The following FHIT variants were observed in gnomAD, a reference collection of about 807,000 sequenced individuals.
FHIT encodes bis(5'-adenosyl)-triphosphatase.
In FHIT, 19 loss-of-function variants were observed where a neutral mutation model predicts 17.9. That is an observed-to-expected ratio of 1.06 (90% confidence interval 0.74 to 1.56). FHIT has a LOEUF of 1.56. Ranked by LOEUF, FHIT falls within the 40% of genes most tolerant of loss-of-function variation. The probability of loss-of-function intolerance (pLI) is 0.00; values close to 1 mark genes in which losing one functional copy is unlikely to be tolerated. For missense variants in FHIT, 248 were observed against 189.2 expected (o/e 1.31, Z -1.82); for synonymous variants, 81 against 69.7 (o/e 1.16, Z -0.81).
At chr3:60,451,064 G>C (rs1317356239) in intron 5 of FHIT, among the ~76,000 whole-genome samples, 3 of 152,012 alleles carry the variant, frequency 2.0e-5, no homozygotes, top group Non-Finnish European at 2.9e-5. Context: ...GAAGGCAATC[G>C]CAACATTAAC....
At chr3:59,878,890 A>AT (rs538229146) in intron 8 of FHIT, among the ~76,000 whole-genome samples, 16 of 151,824 alleles carry the variant, frequency 1.1e-4, no homozygotes, top group East Asian at 1.9e-4. Context: ...TCTGCATGCT[A>AT]TTTTTTTTAC....
At chr3:60,956,658 TTACCAA>T (rs1380348088) in intron 3 of FHIT, among the ~76,000 whole-genome samples, 1 of 151,862 alleles carries the variant, frequency 6.6e-6, no homozygotes, top group Admixed American at 6.6e-5. Flanking sequence ...ACATAAGGAG[TTACCAA>T]TTCCAACAAC....
chr3:60,417,900 C>G (rs1702311506), intron 5 of FHIT, among the ~76,000 whole-genome samples: 1 of 152,160 alleles, frequency 6.6e-6, no homozygotes, highest in African/African-American at 2.4e-5. Context: ...CAGAAGGTCT[C>G]AGCCAAACAT....
At chr3:59,937,493 T>A (rs539109024) in intron 7 of FHIT, among the ~76,000 whole-genome samples, 99 of 152,324 alleles carry the variant, frequency 6.5e-4, no homozygotes, top group Admixed American at 5.3e-3. Flanking sequence ...TTGGTGTAGT[T>A]AGAAGTTGTG....
intron 4 of FHIT, among the ~76,000 whole-genome samples, chr3:60,615,319 G>A (rs1219856203): frequency 6.6e-6 from 1 of 152,090 alleles, no homozygotes; most frequent in Non-Finnish European, 1.5e-5. Context: ...ATCATTAGAG[G>A]AGCTATTCAA....
At chr3:59,973,397 C>A (rs570983563) in intron 7 of FHIT, among the ~76,000 whole-genome samples, 1 of 152,196 alleles carries the variant, frequency 6.6e-6, no homozygotes, top group East Asian at 1.9e-4. Flanking sequence ...TGTGCTCCCA[C>A]CACACCAACC....
intron 5 of FHIT, among the ~76,000 whole-genome samples, chr3:60,322,705 T>C (rs534667542): frequency 7.2e-5 from 11 of 152,342 alleles, no homozygotes; most frequent in Admixed American, 4.6e-4. Flanking sequence ...AGTACAATCG[T>C]ATGATCACAT....
intron 1 of FHIT, among the ~76,000 whole-genome samples, chr3:61,247,082 C>T (rs2106949532): frequency 6.6e-6 from 1 of 151,898 alleles, no homozygotes; most frequent in African/African-American, 2.4e-5. Flanking sequence ...CCCATCAGTG[C>T]CTCCCTACCA....
At chr3:60,850,323 T>TTCTC (rs3046704) in intron 3 of FHIT, among the ~76,000 whole-genome samples, 6,136 of 119,878 alleles carry the variant, frequency 0.051, 243 homozygotes, top group East Asian at 0.073. Context: ...GTGTCTGCAC[T>TTCTC]TCTCTCTCTC....
chr3:60,496,384 A>G (rs1340014878), intron 5 of FHIT, among the ~76,000 whole-genome samples: 1 of 152,212 alleles, frequency 6.6e-6, no homozygotes, highest in East Asian at 1.9e-4. Flanking sequence ...ACCTGTTTGC[A>G]TCCAGGAGCA....
At chr3:60,930,800 A>G (rs1389595540) in intron 3 of FHIT, among the ~76,000 whole-genome samples, 6 of 152,326 alleles carry the variant, frequency 3.9e-5, no homozygotes, top group African/African-American at 1.4e-4. Flanking sequence ...TGTGGAAGTC[A>G]GTGTGGTGAT....
intron 5 of FHIT, among the ~76,000 whole-genome samples, chr3:60,461,413 T>G (rs1226578665): frequency 6.6e-6 from 1 of 151,406 alleles, no homozygotes; most frequent in Non-Finnish European, 1.5e-5. Context: ...CCATACTAAG[T>G]GAGTCAGCTA....
intron 5 of FHIT, among the ~76,000 whole-genome samples, chr3:60,162,271 A>G (rs1024955425): frequency 1.3e-5 from 2 of 151,476 alleles, no homozygotes; most frequent in African/African-American, 4.9e-5. Flanking sequence ...ATAACTTCCA[A>G]TGTAGATCTT....
At chr3:59,985,352 A>G (rs551136137) in intron 7 of FHIT, among the ~76,000 whole-genome samples, 98 of 152,236 alleles carry the variant, frequency 6.4e-4, no homozygotes, top group African/African-American at 2.3e-3. Context: ...AACTCCAGAC[A>G]TAGGGGGTTA....
At chr3:60,166,401 C>A (rs1701178126) in intron 5 of FHIT, among the ~76,000 whole-genome samples, 1 of 152,158 alleles carries the variant, frequency 6.6e-6, no homozygotes. Flanking sequence ...GCTGCTATTT[C>A]AAACTTCCAG....
intron 5 of FHIT, among the ~76,000 whole-genome samples, chr3:60,405,314 A>T (rs907540340): frequency 2.0e-5 from 3 of 151,998 alleles, no homozygotes; most frequent in Admixed American, 1.3e-4. Context: ...CTTCACTTTA[A>T]CCTTTTTTGC....
chr3:59,865,852 G>C (rs999571090), intron 8 of FHIT, among the ~76,000 whole-genome samples: 2 of 152,188 alleles, frequency 1.3e-5, no homozygotes, highest in Non-Finnish European at 2.9e-5. Flanking sequence ...AGAGTGGGGA[G>C]TGAGAGCCTG....
rs904106489 is a variant in FHIT, at chr3:59,764,707, G to A, written c.349-12386C>T. Among the ~76,000 whole-genome samples the A allele has an allele frequency of 6.9e-5, 10 of 145,750 alleles. No individual in the cohort carries two copies. In the South Asian group the frequency reaches 9.1e-4, roughly 13 times the overall value. On this transcript the variant is annotated intron_variant, in intron 8 of 9. Coordinates refer to ENST00000492590, the MANE Select transcript of FHIT (RefSeq NM_002012.4). ...TGCTTACCATGCATGACAGCAGATC[G>A]TCACAGAGGATTTCAAATGCTTTTT...
intron 4 of FHIT, among the ~76,000 whole-genome samples, chr3:60,698,626 G>A (rs150114956): frequency 9.9e-5 from 15 of 152,136 alleles, no homozygotes; most frequent in African/African-American, 3.6e-4. Flanking sequence ...CTCTCAATAG[G>A]CCTACATTAT....
Sources: gnomAD v4.1 joint callset for allele counts (sites outside exome capture counted in the v4.1 genomes callset) on GRCh38, gnomAD v4.1.1 for gene constraint, MANE v1.5 for transcripts, NCBI Gene and HGNC (gene_info 2026-07-23, HGNC 2026-07-21) for gene names.